FCHSD2: variants seen among roughly 807,000 people sequenced by gnomAD.
The protein encoded by FCHSD2 is F-BAR and double SH3 domains protein 2.
Under a neutral mutation model 108.1 loss-of-function variants are expected in FCHSD2, and 38 were observed. That is an observed-to-expected ratio of 0.35 (90% confidence interval 0.27 to 0.46). The LOEUF (loss-of-function observed/expected upper bound fraction) is 0.46. Ranked by LOEUF, FCHSD2 falls within the 20% of genes least tolerant of loss-of-function variation. The pLI is 1.00. For missense variants in FCHSD2, 751 were observed against 897.8 expected (o/e 0.84, Z 2.09); for synonymous variants, 279 against 314.7 (o/e 0.89, Z 1.20).
intron 8 of FCHSD2, among the ~76,000 whole-genome samples, chr11:72,963,213 C>T (rs1856848209): frequency 6.6e-6 from 1 of 152,110 alleles, no homozygotes; most frequent in South Asian, 2.1e-4. Flanking sequence ...ATAGTAGACC[C>T]TCAATAAAAA....
At chr11:73,023,268 G>C (rs544178976) in intron 3 of FCHSD2, among the ~76,000 whole-genome samples, 2 of 151,906 alleles carry the variant, frequency 1.3e-5, no homozygotes, top group Non-Finnish European at 2.9e-5. Context: ...CTGCAGATTA[G>C]GAAAAAATAC....
At chr11:72,989,451 G>C (rs1485090412) in intron 5 of FCHSD2, among the ~76,000 whole-genome samples, 1 of 152,184 alleles carries the variant, frequency 6.6e-6, no homozygotes, top group Non-Finnish European at 1.5e-5. Flanking sequence ...AGGCAATTCT[G>C]TATTTCCCCA....
At chr11:72,945,626 G>A (rs1856503948) in intron 8 of FCHSD2, among the ~76,000 whole-genome samples, 1 of 152,032 alleles carries the variant, frequency 6.6e-6, no homozygotes, top group Admixed American at 6.6e-5. Context: ...TACAGAATGG[G>A]AGAATATTTT....
intron 3 of FCHSD2, among the ~76,000 whole-genome samples, chr11:73,044,876 C>T (rs1443743719): frequency 6.6e-6 from 1 of 152,098 alleles, no homozygotes; most frequent in Non-Finnish European, 1.5e-5. Context: ...CGAGACCATC[C>T]TGACTAACAC....
intron 3 of FCHSD2, among the ~76,000 whole-genome samples, chr11:73,057,345 G>GA (rs998417919): frequency 6.6e-6 from 1 of 151,700 alleles, no homozygotes; most frequent in Non-Finnish European, 1.5e-5. Context: ...TCACAAGGAA[G>GA]AAAAAAAACA....
chr11:72,959,786 T>C (rs1856787690), intron 8 of FCHSD2, among the ~76,000 whole-genome samples: 1 of 152,082 alleles, frequency 6.6e-6, no homozygotes, highest in Non-Finnish European at 1.5e-5. Context: ...AGACAGATCA[T>C]GTACATTATA....
chr11:73,110,772 A>C (rs1860463264), intron 2 of FCHSD2, among the ~76,000 whole-genome samples: 1 of 152,060 alleles, frequency 6.6e-6, no homozygotes, highest in African/African-American at 2.4e-5. Flanking sequence ...ATCTAGCTGA[A>C]GATTTTTTTT....
intron 3 of FCHSD2, among the ~76,000 whole-genome samples, chr11:73,054,537 G>A (rs1253409543): frequency 6.6e-6 from 1 of 151,882 alleles, no homozygotes. Flanking sequence ...ATCCAGATAG[G>A]GGAAGAAGCA....
intron 2 of FCHSD2, among the ~76,000 whole-genome samples, chr11:73,128,598 G>C (rs1215036196): frequency 1.1e-4 from 16 of 152,144 alleles, no homozygotes; most frequent in Admixed American, 1.0e-3. Context: ...GAGGGAGAAA[G>C]GTAGGAAAAA....
chr11:72,947,200 C>T (rs542167738), intron 8 of FCHSD2, among the ~76,000 whole-genome samples: 7 of 152,306 alleles, frequency 4.6e-5, no homozygotes, highest in African/African-American at 1.2e-4. Flanking sequence ...GGGCTTTAAA[C>T]CAAGTGGAAG....
intron 3 of FCHSD2, among the ~76,000 whole-genome samples, chr11:73,065,389 C>T (rs2135492479): frequency 6.6e-6 from 1 of 152,296 alleles, no homozygotes; most frequent in Admixed American, 6.5e-5. Flanking sequence ...GACAAACCCA[C>T]AGCCAATATC....
chr11:72,901,590 T>C (rs565585231), intron 10 of FCHSD2, among the ~76,000 whole-genome samples: 2 of 152,184 alleles, frequency 1.3e-5, no homozygotes, highest in South Asian at 4.2e-4. Context: ...GTTATGACAG[T>C]GCACAGCACT....
intron 8 of FCHSD2, among the ~76,000 whole-genome samples, chr11:72,925,058 C>CA (rs200809431): frequency 4.4e-4 from 65 of 148,628 alleles, no homozygotes; most frequent in Admixed American, 2.3e-3. Context: ...ATCATGAGCT[C>CA]AAAAAAAAAT....
At chr11:73,044,402 G>A (rs1858708506) in intron 3 of FCHSD2, among the ~76,000 whole-genome samples, 1 of 151,890 alleles carries the variant, frequency 6.6e-6, no homozygotes, top group Non-Finnish European at 1.5e-5. Flanking sequence ...ACACAGTGAG[G>A]CCCTCTATCT....
chr11:73,096,498 C>A (rs1435729542), intron 2 of FCHSD2, among the ~76,000 whole-genome samples: 2 of 151,834 alleles, frequency 1.3e-5, no homozygotes, highest in African/African-American at 4.8e-5. Context: ...TTGCAGTGAG[C>A]CGAGATTGTG....
At chr11:73,131,904 G>C (rs763805750) in intron 2 of FCHSD2, among the ~76,000 whole-genome samples, 47 of 152,254 alleles carry the variant, frequency 3.1e-4, no homozygotes, top group Admixed American at 1.6e-3. Context: ...AAAGATAAAT[G>C]AAATAAACTG....
intron 8 of FCHSD2, among the ~76,000 whole-genome samples, chr11:72,958,460 G>A (rs1856756378): frequency 6.6e-6 from 1 of 152,230 alleles, no homozygotes; most frequent in East Asian, 1.9e-4. Context: ...GGAGGCTGCA[G>A]AGAGCTGAGA....
At chr11:73,132,524 A>G (rs1490657806) in intron 2 of FCHSD2, among the ~76,000 whole-genome samples, 1 of 152,160 alleles carries the variant, frequency 6.6e-6, no homozygotes, top group African/African-American at 2.4e-5. Flanking sequence ...TTAAGTGCAC[A>G]TAAAAAACTC....
At chr11:73,084,884 C>T (rs78392861) in intron 2 of FCHSD2, among the ~76,000 whole-genome samples, 2,037 of 151,368 alleles carry the variant, frequency 0.013, 45 homozygotes, top group African/African-American at 0.045. Flanking sequence ...AAGACTTTAC[C>T]GTTATGTGCC....
Sources: allele counts gnomAD v4.1 joint callset (sites outside exome capture counted in the v4.1 genomes callset), GRCh38; gene constraint gnomAD v4.1.1; transcripts MANE v1.5; gene names NCBI Gene and HGNC (gene_info 2026-07-23, HGNC 2026-07-21).